The following NYAP2 variants were observed in gnomAD, a reference collection of about 807,000 sequenced individuals.
The protein encoded by NYAP2 is neuronal tyrosine-phosphorylated phosphoinositide-3-kinase adaptor 2, also known as neuronal tyrosine-phosphorylated phosphoinositide-3-kinase adapter 2.
Under a neutral mutation model 50.4 loss-of-function variants are expected in NYAP2, and 23 were observed. The observed-to-expected ratio is 0.46, with a 90% CI of 0.33 to 0.65. The LOEUF (loss-of-function observed/expected upper bound fraction) is 0.65. Among genes scored for constraint, NYAP2 ranks in the 30% least tolerant of loss-of-function variants. The probability of loss-of-function intolerance (pLI) is 0.02; values close to 1 mark genes in which losing one functional copy is unlikely to be tolerated. For synonymous variants in NYAP2, 394 were observed against 365.2 expected (o/e 1.08, Z -0.90); for missense variants, 885 against 861.0 (o/e 1.03, Z -0.35).
chr2:225,410,407 A>G (rs1695018106), intron 3 of NYAP2, among the ~76,000 whole-genome samples: 1 of 152,068 alleles, frequency 6.6e-6, no homozygotes, highest in African/African-American at 2.4e-5. Flanking sequence ...TCTAGAGTGT[A>G]TAAATGCCTT....
chr2:225,702,433 T>C, the NYAP2 span: 1 of 151,824 alleles, frequency 6.6e-6, no homozygotes, highest in East Asian at 1.9e-4. Flanking sequence ...AATTATGCAA[T>C]CATCAATATT....
chr2:225,675,105 T>C, the NYAP2 span, among the ~76,000 whole-genome samples: 2 of 152,274 alleles, frequency 1.3e-5, no homozygotes, highest in East Asian at 3.9e-4. Flanking sequence ...ATTTATTGTT[T>C]ATTAGTGGTA....
intron 3 of NYAP2, among the ~76,000 whole-genome samples, chr2:225,460,709 A>G (rs1191343335): frequency 1.3e-5 from 2 of 152,208 alleles, no homozygotes; most frequent in Non-Finnish European, 2.9e-5. Flanking sequence ...TAAAATTGGC[A>G]TTTAGTAAAC....
chr2:225,546,697 G>C (rs114313426), intron 4 of NYAP2, among the ~76,000 whole-genome samples: 1 of 152,028 alleles, frequency 6.6e-6, no homozygotes, highest in South Asian at 2.1e-4. Context: ...GGCCAAGCTG[G>C]CACCTAAAAT....
the NYAP2 span, among the ~76,000 whole-genome samples, chr2:225,677,781 A>G: frequency 0.015 from 2,240 of 152,228 alleles, 47 homozygotes; most frequent in African/African-American, 0.052. Flanking sequence ...ATCATCTTAA[A>G]TTAATTTTTT....
At chr2:225,669,642 T>G in the NYAP2 span, among the ~76,000 whole-genome samples, 1 of 152,094 alleles carries the variant, frequency 6.6e-6, no homozygotes, top group African/African-American at 2.4e-5. Flanking sequence ...GCTCAGTTTG[T>G]TCTATAATTT....
intron 4 of NYAP2, among the ~76,000 whole-genome samples, chr2:225,570,471 G>C (rs1418101984): frequency 6.6e-6 from 1 of 152,160 alleles, no homozygotes; most frequent in Non-Finnish European, 1.5e-5. Flanking sequence ...GGCTGGGGAG[G>C]CCTCAGGAAA....
intron 3 of NYAP2, among the ~76,000 whole-genome samples, chr2:225,416,280 GT>G (rs535874043): frequency 2.5e-4 from 38 of 152,272 alleles, no homozygotes; most frequent in African/African-American, 3.8e-4. Flanking sequence ...GCATGGGCAA[GT>G]TTTTTATTCC....
intron 3 of NYAP2, 136 bp from the exon 4 acceptor site, chr2:225,513,235 T>C: frequency 1.3e-6 from 1 of 775,884 alleles, no homozygotes; most frequent in Non-Finnish European, 2.1e-6. Context: ...TACTTGAGTT[T>C]GTTTTAAAAG....
chr2:225,501,096 T>C (rs942317527), intron 3 of NYAP2, among the ~76,000 whole-genome samples: 1 of 152,108 alleles, frequency 6.6e-6, no homozygotes, highest in Non-Finnish European at 1.5e-5. Flanking sequence ...TACTGAAGAG[T>C]ATGGCATCTG....
chr2:225,553,754 G>T (rs1691722426), intron 4 of NYAP2, among the ~76,000 whole-genome samples: 1 of 152,144 alleles, frequency 6.6e-6, no homozygotes, highest in Non-Finnish European at 1.5e-5. Context: ...AATTCAAAAA[G>T]AGTCTGGGTG....
chr2:225,589,676 CAG>C (rs1338398438), intron 5 of NYAP2, among the ~76,000 whole-genome samples: 1 of 151,444 alleles, frequency 6.6e-6, no homozygotes, highest in African/African-American at 2.4e-5. Context: ...GACTGGGTAA[CAG>C]AGCAAGACCC....
At chr2:225,523,057 C>G (rs1691094355) in intron 4 of NYAP2, among the ~76,000 whole-genome samples, 1 of 152,036 alleles carries the variant, frequency 6.6e-6, no homozygotes, top group South Asian at 2.1e-4. Context: ...TCTTGGGGAA[C>G]TTACAGGTTT....
chr2:225,624,718 A>G (rs1339902313), intron 5 of NYAP2, among the ~76,000 whole-genome samples: 1 of 152,218 alleles, frequency 6.6e-6, no homozygotes, highest in Non-Finnish European at 1.5e-5. Context: ...TTAACTCAAT[A>G]CTACTTTTTA....
chr2:225,478,342 GTCTC>G (rs144888771), intron 3 of NYAP2, among the ~76,000 whole-genome samples: 1 of 151,454 alleles, frequency 6.6e-6, no homozygotes, highest in Admixed American at 6.6e-5. Flanking sequence ...GAAGAAGCCA[GTCTC>G]TCTCTCTCTC....
chr2:225,579,450 C>CAT (rs771636577), intron 4 of NYAP2, among the ~76,000 whole-genome samples: 71 of 152,280 alleles, frequency 4.7e-4, no homozygotes, highest in Admixed American at 2.1e-3. Flanking sequence ...CTACTTAATT[C>CAT]TAAGTATGCT....
chr2:225,547,054 G>A (rs1213714218), intron 4 of NYAP2, among the ~76,000 whole-genome samples: 1 of 152,034 alleles, frequency 6.6e-6, no homozygotes, highest in African/African-American at 2.4e-5. Flanking sequence ...CTAAGCGGGT[G>A]TCCACAAAGC....
chr2:225,521,294 G>A (rs1362424685), intron 4 of NYAP2, among the ~76,000 whole-genome samples: 1 of 151,828 alleles, frequency 6.6e-6, no homozygotes, highest in Non-Finnish European at 1.5e-5. Flanking sequence ...GCCCTGGCCA[G>A]AACTTCCAAC....
intron 4 of NYAP2, among the ~76,000 whole-genome samples, chr2:225,531,112 C>G (rs186886100): frequency 6.6e-6 from 1 of 152,190 alleles, no homozygotes; most frequent in Non-Finnish European, 1.5e-5. Flanking sequence ...GTGTGACTAT[C>G]CTGCTTATCA....
Sources: gnomAD v4.1 joint callset for allele counts (sites outside exome capture counted in the v4.1 genomes callset) on GRCh38, gnomAD v4.1.1 for gene constraint, MANE v1.5 for transcripts, NCBI Gene and HGNC (gene_info 2026-07-23, HGNC 2026-07-21) for gene names.